DGKI: variants seen among roughly 807,000 people sequenced by gnomAD.
The protein encoded by DGKI is diacylglycerol kinase iota.
Under a neutral mutation model 147.5 loss-of-function variants are expected in DGKI, and 55 were observed. That is an observed-to-expected ratio of 0.37 (90% CI 0.30 to 0.47). The LOEUF (loss-of-function observed/expected upper bound fraction) is 0.47. DGKI is among the 20% of genes least tolerant of loss of function. DGKI has a pLI of 1.00. For missense variants in DGKI, 1,007 were observed against 1,323.8 expected (o/e 0.76, Z 3.71); for synonymous variants, 469 against 477.1 (o/e 0.98, Z 0.22).
intron 1 of DGKI, among the ~76,000 whole-genome samples, chr7:137,741,743 T>C (rs1795177932): frequency 6.6e-6 from 1 of 152,210 alleles, no homozygotes; most frequent in Non-Finnish European, 1.5e-5. Flanking sequence ...CTAGTTAAGA[T>C]AATTCTCTCA....
At chr7:137,489,915 C>T (rs957509779) in intron 21 of DGKI, among the ~76,000 whole-genome samples, 1 of 152,074 alleles carries the variant, frequency 6.6e-6, no homozygotes, top group East Asian at 1.9e-4. Flanking sequence ...TCATAGCAGA[C>T]ATTTTAAACT....
chr7:137,707,139 T>G (rs1445005489), intron 1 of DGKI, among the ~76,000 whole-genome samples: 1 of 152,230 alleles, frequency 6.6e-6, no homozygotes. Context: ...TTTCTAATTC[T>G]AAATGCCACC....
chr7:137,650,129 G>C (rs1821973380), intron 5 of DGKI, among the ~76,000 whole-genome samples: 1 of 152,156 alleles, frequency 6.6e-6, no homozygotes, highest in African/African-American at 2.4e-5. Context: ...ATGGGTCATA[G>C]TCAGTGAGTC....
intron 1 of DGKI, among the ~76,000 whole-genome samples, chr7:137,753,246 T>A (rs555767490): frequency 2.6e-5 from 4 of 152,228 alleles, no homozygotes; most frequent in Non-Finnish European, 4.4e-5. Context: ...TGCAAACTGA[T>A]CCCCAGGAAC....
chr7:137,606,750 C>T (rs994946865), intron 10 of DGKI, among the ~76,000 whole-genome samples: 4 of 152,276 alleles, frequency 2.6e-5, no homozygotes, highest in East Asian at 3.9e-4. Flanking sequence ...TTCTTGAAGA[C>T]GTGATTCCAT....
intron 6 of DGKI, among the ~76,000 whole-genome samples, chr7:137,638,623 T>TATATACATATATGTATATATACAC (rs1554446629): frequency 7.3e-4 from 2 of 2,746 alleles, no homozygotes; most frequent in Non-Finnish European, 6.2e-4. Context: ...CACACACACA[T>TATATACATATATGTATATATACAC]ATATATGTGT....
chr7:137,493,854 G>A (rs1327496416), intron 21 of DGKI: 1 of 696,278 alleles, frequency 1.4e-6, no homozygotes, highest in Non-Finnish European at 2.6e-6. Context: ...GACAGAAATA[G>A]AATCAGAATA....
At chr7:137,740,121 T>G (rs1795135309) in intron 1 of DGKI, among the ~76,000 whole-genome samples, 1 of 152,206 alleles carries the variant, frequency 6.6e-6, no homozygotes. Context: ...ACATCAGGAT[T>G]TGGAAATTCA....
chr7:137,389,408 C>T lies in DGKI; in HGVS notation c.*1812G>A, dbSNP rs1468548463. 3 of 152,120 alleles carry T rather than the reference C, an allele frequency of 2.0e-5. No homozygotes were observed. Among genetic ancestry groups the T allele is most frequent in the Admixed American group, 1.3e-4 (2 of 15,272 alleles). The allele number at this position is 152,120 out of a possible 1,614,324, so 9.4% of individuals were successfully genotyped here. A position where few individuals can be genotyped will look rare whatever the true frequency, so the allele number is the denominator to read the frequency against. ...AAGGCTGTTCCTGTTTAATATAGCA[C>T]GTCATAGCCGCACTTTCAAAATGAT... On this transcript the variant is annotated 3_prime_UTR_variant, in exon 33 of 33. Coordinates refer to ENST00000614521, the MANE Select transcript of DGKI (RefSeq NM_001321708.2).
intron 1 of DGKI, among the ~76,000 whole-genome samples, chr7:137,786,922 A>G (rs1484082774): frequency 6.6e-6 from 1 of 152,280 alleles, no homozygotes; most frequent in East Asian, 1.9e-4. Flanking sequence ...GGCAAGTCAC[A>G]TGTAGCAGAA....
At chr7:137,835,658 G>A (rs1798355968) in intron 1 of DGKI, among the ~76,000 whole-genome samples, 2 of 152,024 alleles carry the variant, frequency 1.3e-5, no homozygotes, top group Admixed American at 1.3e-4. Flanking sequence ...CATGTGTACA[G>A]GAAGGGCAAT....
chr7:137,739,752 G>C (rs1213371917), intron 1 of DGKI, among the ~76,000 whole-genome samples: 1 of 149,474 alleles, frequency 6.7e-6, no homozygotes, highest in Non-Finnish European at 1.5e-5. Flanking sequence ...TTATTCCCCA[G>C]ACTGCCCAGA....
chr7:137,493,782 C>T, intron 21 of DGKI: 2 of 702,066 alleles, frequency 2.8e-6, no homozygotes, highest in Non-Finnish European at 5.2e-6. Context: ...AGTCTTCTTA[C>T]CTCCAAATGA....
intron 21 of DGKI, among the ~76,000 whole-genome samples, chr7:137,491,464 C>G (rs1815760171): frequency 6.6e-6 from 1 of 152,176 alleles, no homozygotes; most frequent in South Asian, 2.1e-4. Context: ...CCACTACCAA[C>G]ATTTATAAGG....
chr7:137,829,286 G>T (rs1321712368), intron 1 of DGKI, among the ~76,000 whole-genome samples: 1 of 152,180 alleles, frequency 6.6e-6, no homozygotes, highest in Non-Finnish European at 1.5e-5. Context: ...CACCAAAGAG[G>T]ACTCTCCCCA....
chr7:137,753,433 C>G (rs1468703691), intron 1 of DGKI, among the ~76,000 whole-genome samples: 1 of 152,162 alleles, frequency 6.6e-6, no homozygotes, highest in Non-Finnish European at 1.5e-5. Context: ...TGCGAGGGTT[C>G]CAAGGCCTTT....
chr7:137,454,466 C>T (rs1814104986), intron 27 of DGKI, among the ~76,000 whole-genome samples: 1 of 151,686 alleles, frequency 6.6e-6, no homozygotes, highest in African/African-American at 2.4e-5. Flanking sequence ...GAAGAATGGG[C>T]GACAGTGGAC....
chr7:137,384,980 T>C lies in DGKI; in HGVS notation c.*6240A>G, dbSNP rs567417497. 1 of 152,250 alleles carries C rather than the reference T, an allele frequency of 6.6e-6. No homozygotes were observed. The highest frequency in any genetic ancestry group is 6.5e-5 in the Admixed American group (1 of 15,282). 9.4% of individuals were successfully genotyped at this position (152,250 alleles called of 1,614,324 possible). ...GCAGAAGCCAAAGAGTTTTCCATGA[T>C]TGCCTTTCATGTACATTTACTTGGC... On this transcript the variant is annotated 3_prime_UTR_variant, in exon 33 of 33. Transcript: ENST00000614521.
chr7:137,680,436 T>A lies in DGKI; in HGVS notation c.511-1784A>T, dbSNP rs556764547. ...TTTATTATAACCTACTCCAGCAGTG[T>A]CCACACGATAGCCCTTTGAATCTCA... is the stretch of plus-strand genomic sequence containing the variant. On this transcript the variant is annotated intron_variant, in intron 2 of 32. Transcript: ENST00000614521. Among the ~76,000 whole-genome samples the A allele has an allele frequency of 3.9e-5, 6 of 152,344 alleles. No individual in the cohort carries two copies. In the South Asian group the frequency reaches 1.2e-3, roughly 32 times the overall value.
Sources: allele counts gnomAD v4.1 joint callset (sites outside exome capture counted in the v4.1 genomes callset), GRCh38; gene constraint gnomAD v4.1.1; transcripts MANE v1.5; gene names NCBI Gene and HGNC (gene_info 2026-07-23, HGNC 2026-07-21).